RGS7: variants seen among roughly 807,000 people sequenced by gnomAD.
RGS7 encodes regulator of G protein signaling 7, also known as regulator of G-protein signaling 7.
Under a neutral mutation model 81.1 loss-of-function variants are expected in RGS7, and 27 were observed. The observed-to-expected ratio is 0.33, with a 90% CI of 0.25 to 0.46. The LOEUF (loss-of-function observed/expected upper bound fraction) is 0.46, where lower values mean the gene tolerates loss of function less well. Ranked by LOEUF, RGS7 falls within the 20% of genes least tolerant of loss-of-function variation. The pLI, the probability that RGS7 is intolerant of heterozygous loss-of-function variation, is 1.00. For missense variants in RGS7, 396 were observed against 607.4 expected (o/e 0.65, Z 3.66); for synonymous variants, 208 against 207.7 (o/e 1.00, Z -0.01).
At chr1:240,999,767 A>T (rs1043496715) in intron 3 of RGS7, among the ~76,000 whole-genome samples, 1 of 144,442 alleles carries the variant, frequency 6.9e-6, no homozygotes, top group African/African-American at 2.7e-5. Context: ...CGCTCGGCTA[A>T]TTTTTTTTTT....
chr1:240,827,885 A>C (rs530956740), intron 9 of RGS7, among the ~76,000 whole-genome samples: 241 of 150,490 alleles, frequency 1.6e-3, no homozygotes, highest in Middle Eastern at 6.8e-3. Flanking sequence ...AAAAAAAAAA[A>C]AAACAGGCTG....
intron 18 of RGS7, among the ~76,000 whole-genome samples, chr1:240,776,807 G>T (rs1683020573): frequency 6.6e-6 from 1 of 152,144 alleles, no homozygotes; most frequent in African/African-American, 2.4e-5. Context: ...GAAGATAAAA[G>T]TCTACTTGTT....
At chr1:240,875,764 A>G (rs1007472556) in intron 6 of RGS7, among the ~76,000 whole-genome samples, 1 of 152,142 alleles carries the variant, frequency 6.6e-6, no homozygotes, top group African/African-American at 2.4e-5. Flanking sequence ...TGTGGTTCTG[A>G]TTTGCATTTC....
At chr1:240,797,737 A>T (rs1687313081) in intron 18 of RGS7, among the ~76,000 whole-genome samples, 1 of 152,250 alleles carries the variant, frequency 6.6e-6, no homozygotes. Context: ...TTCTTAAAGC[A>T]TATGAACCTT....
intron 9 of RGS7, among the ~76,000 whole-genome samples, chr1:240,829,847 G>A (rs149641755): frequency 3.9e-4 from 60 of 152,126 alleles, no homozygotes; most frequent in African/African-American, 1.4e-3. Flanking sequence ...GATAAGATGT[G>A]TCATAGAGAT....
intron 3 of RGS7, among the ~76,000 whole-genome samples, chr1:241,016,384 G>A (rs554679246): frequency 1.9e-4 from 29 of 151,950 alleles, no homozygotes; most frequent in Non-Finnish European, 3.5e-4. Context: ...TGGGTGTGGC[G>A]GCATGCACCT....
intron 15 of RGS7, among the ~76,000 whole-genome samples, chr1:240,805,571 CTTATT>C (rs1188902529): frequency 6.6e-6 from 1 of 151,898 alleles, no homozygotes; most frequent in East Asian, 1.9e-4. Context: ...ATCAGTTTTC[CTTATT>C]TTTTCTTTCT....
intron 3 of RGS7, among the ~76,000 whole-genome samples, chr1:240,994,702 A>C (rs1404429766): frequency 6.6e-6 from 1 of 151,912 alleles, no homozygotes; most frequent in Non-Finnish European, 1.5e-5. Flanking sequence ...TTTCAACATT[A>C]TGTTAAATAA....
At chr1:241,216,952 T>G (rs1435468540) in intron 2 of RGS7, among the ~76,000 whole-genome samples, 3 of 152,226 alleles carry the variant, frequency 2.0e-5, no homozygotes, top group Non-Finnish European at 4.4e-5. Flanking sequence ...TGCTTAGTTA[T>G]TTGAGCCATT....
At chr1:241,267,718 A>G (rs921606506) in intron 2 of RGS7, among the ~76,000 whole-genome samples, 9 of 152,070 alleles carry the variant, frequency 5.9e-5, no homozygotes, top group Non-Finnish European at 1.3e-4. Flanking sequence ...TTATTGTTAA[A>G]TTCTTCTATG....
At chr1:241,138,138 C>T (rs2103071053) in intron 2 of RGS7, among the ~76,000 whole-genome samples, 1 of 147,228 alleles carries the variant, frequency 6.8e-6, no homozygotes, top group South Asian at 2.2e-4. Flanking sequence ...TGCCACTGCA[C>T]TCCAGCCTGG....
At chr1:240,955,334 CA>C (rs1328517001) in intron 4 of RGS7, among the ~76,000 whole-genome samples, 2 of 152,054 alleles carry the variant, frequency 1.3e-5, no homozygotes, top group African/African-American at 4.8e-5. Context: ...GGGCGGATCA[CA>C]AGGTCAGGAG....
At chr1:241,105,016 T>C (rs2065014379) in intron 2 of RGS7, among the ~76,000 whole-genome samples, 1 of 152,228 alleles carries the variant, frequency 6.6e-6, no homozygotes, top group Non-Finnish European at 1.5e-5. Flanking sequence ...TTTTTTTCTT[T>C]GTATGTAACT....
intron 2 of RGS7, among the ~76,000 whole-genome samples, chr1:241,182,950 T>C (rs1573020215): frequency 6.6e-6 from 1 of 152,016 alleles, no homozygotes; most frequent in South Asian, 2.1e-4. Context: ...TTTTCTTTTT[T>C]TTTTTTTCTT....
chr1:240,894,581 T>C (rs36050964), intron 6 of RGS7, among the ~76,000 whole-genome samples: 19,361 of 151,984 alleles, frequency 0.13, 1,346 homozygotes, highest in Middle Eastern at 0.18. Context: ...TGTATAATAT[T>C]TGTATTATTA....
At chr1:241,248,118 A>G (rs971468744) in intron 2 of RGS7, among the ~76,000 whole-genome samples, 6 of 152,062 alleles carry the variant, frequency 3.9e-5, no homozygotes, top group Non-Finnish European at 7.4e-5. Flanking sequence ...TAGGTGCATA[A>G]ACATTTAGGA....
At chr1:241,336,813 G>A (rs991197270) in intron 2 of RGS7, among the ~76,000 whole-genome samples, 5 of 152,146 alleles carry the variant, frequency 3.3e-5, no homozygotes, top group African/African-American at 9.7e-5. Context: ...ACTTATCACA[G>A]TTATCACAAT....
chr1:241,108,910 A>C (rs554864696), intron 2 of RGS7, among the ~76,000 whole-genome samples: 1 of 152,224 alleles, frequency 6.6e-6, no homozygotes, highest in East Asian at 1.9e-4. Flanking sequence ...AGTCATTTTC[A>C]AACACAATTC....
At chr1:241,250,167 G>C (rs2076760220) in intron 2 of RGS7, among the ~76,000 whole-genome samples, 1 of 152,100 alleles carries the variant, frequency 6.6e-6, no homozygotes, top group Admixed American at 6.5e-5. Context: ...TTGATGGTGA[G>C]TACACAGAAT....
Sources: allele counts gnomAD v4.1 joint callset (sites outside exome capture counted in the v4.1 genomes callset), GRCh38; gene constraint gnomAD v4.1.1; transcripts MANE v1.5; gene names NCBI Gene and HGNC (gene_info 2026-07-23, HGNC 2026-07-21).